The following SFI1 variants were observed in gnomAD, a reference collection of about 807,000 sequenced individuals.
SFI1 encodes the protein protein SFI1 homolog.
SFI1 carries 195 observed loss-of-function variants against 207.5 expected under a neutral mutation model. That is an observed-to-expected ratio of 0.94 (90% CI 0.84 to 1.06). The LOEUF is 1.06. Among genes scored for constraint, SFI1 ranks in the 50% least tolerant of loss-of-function variants. The pLI, the probability that SFI1 is intolerant of heterozygous loss-of-function variation, is 0.00. For missense variants in SFI1, 1,634 were observed against 1,588.0 expected, an observed-to-expected ratio of 1.03 and a Z score of -0.49; for synonymous variants, 630 against 598.9, an observed-to-expected ratio of 1.05 and a Z score of -0.76.
Position 31,618,456 on chromosome 22 carries a change from G to C in SFI1, c.*38G>C. 1 of 1,487,900 alleles carries C rather than the reference G, an allele frequency of 6.7e-7. No individual in the cohort carries two copies. Among genetic ancestry groups the C allele is most frequent in the Non-Finnish European group, 9.0e-7 (1 of 1,117,174 alleles). 92.2% of individuals were successfully genotyped at this position (1,487,900 alleles called of 1,614,324 possible). A position where few individuals can be genotyped will look rare whatever the true frequency, so the allele number is the denominator to read the frequency against. On this transcript the variant is annotated 3_prime_UTR_variant, in exon 33 of 33. Coordinates refer to ENST00000400288, the MANE Select transcript of SFI1 (RefSeq NM_001007467.3). ...AGGAACGCAGGTGCTGGGCTGTCGG[G>C]GAGGCCTCAGGCCACCTCCAGGAAC... is the stretch of plus-strand genomic sequence containing the variant.
intron 1 of SFI1, among the ~76,000 whole-genome samples, chr22:31,507,809 TCAC>T (rs2054867116): frequency 6.6e-6 from 1 of 152,086 alleles, no homozygotes; most frequent in Non-Finnish European, 1.5e-5. Flanking sequence ...GTGTGGTGGC[TCAC>T]CACTGTAATT....
intron 8 of SFI1, among the ~76,000 whole-genome samples, chr22:31,564,833 A>T (rs1276769527): frequency 1.1e-4 from 5 of 45,874 alleles, no homozygotes; most frequent in Middle Eastern, 0.026. Context: ...TTTTTTTTTG[A>T]GACGGAGTCT....
intron 6 of SFI1, among the ~76,000 whole-genome samples, chr22:31,552,104 C>T (rs903293342): frequency 1.3e-5 from 2 of 152,136 alleles, no homozygotes; most frequent in African/African-American, 4.8e-5. Context: ...CAGTTTAGCT[C>T]CCGCTTATAA....
intron 2 of SFI1, among the ~76,000 whole-genome samples, chr22:31,512,187 C>G (rs143324337): frequency 0.023 from 3,545 of 151,972 alleles, 127 homozygotes; most frequent in African/African-American, 0.08. Flanking sequence ...AAAACCCCAT[C>G]TCTACTAAAA....
At chr22:31,530,478 A>G in intron 3 of SFI1, 3 of 265,980 alleles carry the variant, frequency 1.1e-5, no homozygotes, top group South Asian at 8.0e-5. Context: ...CGACAGAGCA[A>G]AACTCTGTCT....
At chr22:31,596,037 G>A (rs1315539651) in intron 15 of SFI1, among the ~76,000 whole-genome samples, 1 of 152,082 alleles carries the variant, frequency 6.6e-6, no homozygotes, top group Non-Finnish European at 1.5e-5. Context: ...TGGATCATTG[G>A]AGGTCAGGAG....
At chr22:31,561,459 G>GAAGGCC in intron 8 of SFI1, 67 bp downstream of exon 8, 1 of 1,350,170 alleles carries the variant, frequency 7.4e-7, no homozygotes, top group Non-Finnish European at 1.0e-6. Flanking sequence ...CCCACAGAGG[G>GAAGGCC]CAGTGCTGGG....
At chr22:31,617,209 G>A in intron 31 of SFI1, 131 bp downstream of exon 31, 2 of 907,310 alleles carry the variant, frequency 2.2e-6, no homozygotes, top group Non-Finnish European at 3.3e-6. Context: ...AGCCATGGAG[G>A]GGTGTGGGGA....
At chr22:31,585,590 C>T (rs1343138012) in intron 14 of SFI1, among the ~76,000 whole-genome samples, 1 of 152,168 alleles carries the variant, frequency 6.6e-6, no homozygotes, top group Non-Finnish European at 1.5e-5. Flanking sequence ...AGATTCAATT[C>T]CATTTAAGAA....
At chr22:31,510,834 C>T (rs1011062762) in intron 2 of SFI1, among the ~76,000 whole-genome samples, 2 of 151,932 alleles carry the variant, frequency 1.3e-5, no homozygotes, top group African/African-American at 4.8e-5. Context: ...AATTGTATGC[C>T]CTTATAATAC....
intron 9 of SFI1, among the ~76,000 whole-genome samples, chr22:31,574,506 G>A (rs1042032935): frequency 5.3e-5 from 8 of 152,318 alleles, no homozygotes; most frequent in African/African-American, 1.7e-4. Flanking sequence ...CTATGCCAGC[G>A]TGGCAACTGA....
intron 4 of SFI1, among the ~76,000 whole-genome samples, chr22:31,541,912 C>T (rs1464989970): frequency 1.3e-5 from 2 of 151,614 alleles, no homozygotes; most frequent in Non-Finnish European, 2.9e-5. Context: ...ACCATCCTGG[C>T]TAACATGGTG....
At chr22:31,545,570 A>AT (rs1174938845) in intron 4 of SFI1, among the ~76,000 whole-genome samples, 24,003 of 145,748 alleles carry the variant, frequency 0.16, 2,189 homozygotes, top group East Asian at 0.36. Flanking sequence ...ATTTAATTTA[A>AT]TTTAATTTAA....
At chr22:31,602,153 C>G in intron 15 of SFI1, 59 bp from the exon 16 acceptor site, 2 of 1,395,706 alleles carry the variant, frequency 1.4e-6, no homozygotes, top group Non-Finnish European at 2.0e-6. Context: ...ACTTCTAGTT[C>G]TGTTTGGGTT....
intron 31 of SFI1, among the ~76,000 whole-genome samples, chr22:31,617,522 A>G (rs1603382082): frequency 6.6e-6 from 1 of 152,070 alleles, no homozygotes; most frequent in Non-Finnish European, 1.5e-5. Context: ...GGAGTTCAAG[A>G]CCAGCCTGGC....
intron 27 of SFI1, chr22:31,614,431 C>T (rs118063921): frequency 2.3e-6 from 1 of 426,620 alleles, no homozygotes; most frequent in Non-Finnish European, 4.5e-6. Flanking sequence ...GTGCATGGGG[C>T]CTGGGTCCCG....
chr22:31,616,408 C>T, intron 29 of SFI1: 1 of 251,310 alleles, frequency 4.0e-6, no homozygotes, highest in Non-Finnish European at 7.6e-6. Context: ...TGTCAAAGCT[C>T]AGCAAGGTCA....
intron 2 of SFI1, among the ~76,000 whole-genome samples, chr22:31,516,253 C>G (rs915690250): frequency 2.6e-5 from 4 of 152,014 alleles, no homozygotes; most frequent in Non-Finnish European, 4.4e-5. Flanking sequence ...TGGCTTACGT[C>G]TGGAATTCTA....
At chr22:31,613,001 C>CA in intron 24 of SFI1, 141 bp from the exon 25 acceptor site, 2 of 795,900 alleles carry the variant, frequency 2.5e-6, no homozygotes, top group Non-Finnish European at 3.9e-6. Context: ...CCGCCAGGCA[C>CA]AAGGCTGGCC....
Sources: gnomAD v4.1 joint callset for allele counts (sites outside exome capture counted in the v4.1 genomes callset) on GRCh38, gnomAD v4.1.1 for gene constraint, MANE v1.5 for transcripts, NCBI Gene and HGNC (gene_info 2026-07-23, HGNC 2026-07-21) for gene names.